MAST2: variants seen among roughly 807,000 people sequenced by gnomAD.
The protein encoded by MAST2 is microtubule-associated serine/threonine-protein kinase 2.
Under a neutral mutation model 147.4 loss-of-function variants are expected in MAST2, and 70 were observed. The ratio of observed to expected loss-of-function variants is 0.47; its 90% CI spans 0.39 to 0.58. The LOEUF is 0.58. MAST2 is among the 20% of genes least tolerant of loss of function. The pLI, the probability that MAST2 is intolerant of heterozygous loss-of-function variation, is 0.00. For synonymous variants in MAST2, 869 were observed against 896.8 expected, an observed-to-expected ratio of 0.97 and a Z score of 0.55; for missense variants, 2,080 against 2,302.3, an observed-to-expected ratio of 0.90 and a Z score of 1.98.
intron 4 of MAST2, among the ~76,000 whole-genome samples, chr1:45,883,175 G>A (rs771407012): frequency 1.3e-5 from 2 of 152,054 alleles, no homozygotes; most frequent in Non-Finnish European, 2.9e-5. Flanking sequence ...TAAAACAATG[G>A]CTTTTAAACT....
Position 45,845,207 on chromosome 1 carries a change from T to C in MAST2, c.468+15626T>C, listed in dbSNP as rs191153607. Among the ~76,000 whole-genome samples, 310 of 152,272 alleles carry C rather than the reference T, an allele frequency of 2.0e-3. 1 individual carries two copies. The highest frequency in any genetic ancestry group is 6.6e-3 in the African/African-American group (274 of 41,550). On this transcript the variant is annotated intron_variant, in intron 3 of 28. Coordinates refer to ENST00000361297, the MANE Select transcript of MAST2 (RefSeq NM_015112.3). ...CATGGGAGAACGTTTATGCAAGTTTTTGGTAAGGTGTCATATATGTCAAGG... is the reference window on the plus strand; with the variant it reads ...CATGGGAGAACGTTTATGCAAGTTTCTGGTAAGGTGTCATATATGTCAAGG...
chr1:46,030,954 G>C, intron 22 of MAST2, 53 bp from the exon 23 acceptor site: 1 of 1,581,972 alleles, frequency 6.3e-7, no homozygotes. Context: ...AGGAGACCTG[G>C]CAGGAGGAGG....
chr1:45,974,885 G>A (rs1644071215), intron 5 of MAST2, among the ~76,000 whole-genome samples: 1 of 152,210 alleles, frequency 6.6e-6, no homozygotes, highest in South Asian at 2.1e-4. Context: ...TAAAAAGAAT[G>A]TGAGTGATAC....
At chr1:45,943,675 G>A (rs1657641079) in intron 4 of MAST2, among the ~76,000 whole-genome samples, 1 of 152,164 alleles carries the variant, frequency 6.6e-6, no homozygotes, top group Non-Finnish European at 1.5e-5. Flanking sequence ...GAACCCGGGA[G>A]GCAGAGGTTG....
intron 4 of MAST2, among the ~76,000 whole-genome samples, chr1:45,941,971 A>G (rs1341121614): frequency 1.3e-5 from 2 of 152,222 alleles, no homozygotes; most frequent in African/African-American, 2.4e-5. Flanking sequence ...TTTACCCACC[A>G]TTGCTTTTAT....
At chr1:45,835,370 A>G (rs894913905) in intron 3 of MAST2, among the ~76,000 whole-genome samples, 2 of 152,176 alleles carry the variant, frequency 1.3e-5, no homozygotes, top group Non-Finnish European at 2.9e-5. Flanking sequence ...CAATTCTACT[A>G]AAAAACAGTG....
intron 4 of MAST2, among the ~76,000 whole-genome samples, chr1:45,939,988 T>TTTTGTTTTTTTTGTTTTTTTTG (rs1656959553): frequency 7.6e-6 from 1 of 130,774 alleles, no homozygotes; most frequent in African/African-American, 2.9e-5. Context: ...GGGTTTTTTT[T>TTTTGTTTTTTTTGTTTTTTTTG]TTTTTTTTTT....
chr1:45,826,376 CAG>C (rs1446609889), intron 2 of MAST2, among the ~76,000 whole-genome samples: 2 of 151,844 alleles, frequency 1.3e-5, no homozygotes, highest in African/African-American at 4.8e-5. Flanking sequence ...TTTTTTGAGA[CAG>C]GGTCTCCTCT....
At chr1:46,010,592 T>A (rs1261641686) in intron 9 of MAST2, 138 bp from the exon 10 acceptor site, 2 of 661,284 alleles carry the variant, frequency 3.0e-6, no homozygotes, top group Admixed American at 5.3e-5. Flanking sequence ...TCTTCAGTTA[T>A]CAGGTTTCCC....
At chr1:45,985,236 C>G (rs1169196656) in intron 5 of MAST2, among the ~76,000 whole-genome samples, 1 of 151,726 alleles carries the variant, frequency 6.6e-6, no homozygotes, top group Non-Finnish European at 1.5e-5. Context: ...GCCACTACAT[C>G]CTGCTAATTT....
intron 4 of MAST2, among the ~76,000 whole-genome samples, chr1:45,936,046 T>G (rs532084042): frequency 6.6e-6 from 1 of 152,228 alleles, no homozygotes; most frequent in Admixed American, 6.5e-5. Flanking sequence ...GTTTCCCATT[T>G]GTTTGTGTCA....
At chr1:45,899,160 A>G (rs527672245) in intron 4 of MAST2, among the ~76,000 whole-genome samples, 2 of 152,282 alleles carry the variant, frequency 1.3e-5, no homozygotes, top group South Asian at 4.1e-4. Flanking sequence ...CCAAAGCAGG[A>G]TGATGGTTTT....
At chr1:45,898,058 G>A (rs1005408238) in intron 4 of MAST2, among the ~76,000 whole-genome samples, 3 of 151,068 alleles carry the variant, frequency 2.0e-5, no homozygotes, top group Admixed American at 6.6e-5. Context: ...GCAGGGAGCC[G>A]AGATGGCTCC....
chr1:45,962,533 A>G (rs1433675649), intron 5 of MAST2, among the ~76,000 whole-genome samples: 2 of 152,114 alleles, frequency 1.3e-5, no homozygotes, highest in Non-Finnish European at 2.9e-5. Flanking sequence ...GATGATGAGC[A>G]TTTTTTCATG....
At chr1:45,868,441 C>T (rs1026813406) in intron 3 of MAST2, among the ~76,000 whole-genome samples, 4 of 152,152 alleles carry the variant, frequency 2.6e-5, no homozygotes, top group African/African-American at 9.7e-5. Context: ...AGTGCAATTT[C>T]CCAGGTTCTG....
intron 3 of MAST2, among the ~76,000 whole-genome samples, chr1:45,876,630 C>T (rs185718353): frequency 6.6e-6 from 1 of 152,288 alleles, no homozygotes; most frequent in East Asian, 1.9e-4. Context: ...GCTTTTCTCC[C>T]CAACTTGCTG....
chr1:46,001,082 C>T, intron 6 of MAST2: 1 of 902,520 alleles, frequency 1.1e-6, no homozygotes, highest in Admixed American at 2.3e-5. Flanking sequence ...TGTGATGATT[C>T]TTCTCTGACT....
chr1:45,968,370 C>T (rs1643712115), intron 5 of MAST2, among the ~76,000 whole-genome samples: 1 of 152,150 alleles, frequency 6.6e-6, no homozygotes, highest in African/African-American at 2.4e-5. Context: ...GGCAGATCTA[C>T]TGCTATAGAA....
At chr1:45,820,556 C>A (rs1268057209) in intron 1 of MAST2, among the ~76,000 whole-genome samples, 1 of 152,042 alleles carries the variant, frequency 6.6e-6, no homozygotes, top group Non-Finnish European at 1.5e-5. Flanking sequence ...CATCTTTATT[C>A]ATTGTGTGCT....
Sources: allele counts gnomAD v4.1 joint callset (sites outside exome capture counted in the v4.1 genomes callset), GRCh38; gene constraint gnomAD v4.1.1; transcripts MANE v1.5; gene names NCBI Gene and HGNC (gene_info 2026-07-23, HGNC 2026-07-21).